The following EPB41L5 variants were observed in gnomAD, a reference collection of about 807,000 sequenced individuals.
EPB41L5 encodes the protein erythrocyte membrane protein band 4.1 like 5, also known as band 4.1-like protein 5.
A neutral mutation model predicts 106.6 loss-of-function variants in EPB41L5; 55 were observed. The observed-to-expected ratio is 0.52, with a 90% CI of 0.42 to 0.65. The LOEUF is 0.65. Ranked by LOEUF, EPB41L5 falls within the 30% of genes least tolerant of loss-of-function variation. EPB41L5 has a pLI of 0.00. For missense variants in EPB41L5, 871 were observed against 882.1 expected (o/e 0.99, Z 0.16); for synonymous variants, 297 against 306.7 (o/e 0.97, Z 0.33).
At chr2:120,151,674 T>C (rs1194678581) in intron 20 of EPB41L5, among the ~76,000 whole-genome samples, 1 of 148,070 alleles carries the variant, frequency 6.8e-6, no homozygotes, top group East Asian at 2.0e-4. Flanking sequence ...TGGAATGCAA[T>C]GGCGCGATTT....
Position 120,041,543 on chromosome 2 carries a change from G to T in EPB41L5, c.181-463G>T, listed in dbSNP as rs73952004. On this transcript the variant is annotated intron_variant, in intron 2 of 24. Transcript: ENST00000263713. ...CGTTCTCTTCCAGTTTGATTCTTCT[G>T]CATCAAGCCTTCATTGATTATTCTA... Among the ~76,000 whole-genome samples the T allele has an allele frequency of 7.7e-3, 1,165 of 152,120 alleles. 12 individuals carry two copies. Among genetic ancestry groups the T allele is most frequent in the African/African-American group, 0.027 (1,105 of 41,504 alleles).
chr2:120,016,044 T>G (rs558052210), intron 1 of EPB41L5, among the ~76,000 whole-genome samples: 80 of 152,342 alleles, frequency 5.3e-4, no homozygotes, highest in African/African-American at 1.9e-3. Flanking sequence ...CGAAAAATCC[T>G]GTTCCTACAA....
At chr2:120,017,719 T>C (rs893817768) in intron 1 of EPB41L5, among the ~76,000 whole-genome samples, 3 of 152,236 alleles carry the variant, frequency 2.0e-5, no homozygotes, top group African/African-American at 7.2e-5. Flanking sequence ...CTTAGGAAAT[T>C]TGAATTATAT....
intron 2 of EPB41L5, among the ~76,000 whole-genome samples, chr2:120,031,140 A>G (rs1678678229): frequency 6.6e-6 from 1 of 152,216 alleles, no homozygotes; most frequent in Admixed American, 6.5e-5. Flanking sequence ...AAGTGCTGGG[A>G]TTAAAGGCAT....
At chr2:120,043,813 A>T (rs1432262633) in intron 3 of EPB41L5, among the ~76,000 whole-genome samples, 2 of 152,174 alleles carry the variant, frequency 1.3e-5, no homozygotes, top group African/African-American at 4.8e-5. Flanking sequence ...AAGTAGTCAT[A>T]AAGGATTATA....
At chr2:120,039,727 A>G (rs1318529611) in intron 2 of EPB41L5, among the ~76,000 whole-genome samples, 1 of 150,462 alleles carries the variant, frequency 6.6e-6, no homozygotes, top group East Asian at 2.0e-4. Context: ...CGGGAGGCTG[A>G]GGCAGGAGAA....
intron 3 of EPB41L5, among the ~76,000 whole-genome samples, chr2:120,059,747 A>C (rs975281253): frequency 1.3e-5 from 2 of 152,128 alleles, no homozygotes; most frequent in African/African-American, 4.8e-5. Flanking sequence ...TACAAAAAAA[A>C]ACAAAAAAAG....
chr2:120,064,271 G>T (rs2105292074), intron 3 of EPB41L5, among the ~76,000 whole-genome samples: 1 of 152,338 alleles, frequency 6.6e-6, no homozygotes, highest in South Asian at 2.1e-4. Flanking sequence ...ACTCACAGAA[G>T]TATCTTTTTG....
intron 17 of EPB41L5, among the ~76,000 whole-genome samples, chr2:120,131,134 A>G (rs1481489463): frequency 6.6e-6 from 1 of 152,220 alleles, no homozygotes; most frequent in Non-Finnish European, 1.5e-5. Flanking sequence ...TGGTACCAAT[A>G]TATAATATGT....
In EPB41L5 at chr2:120,093,714, T is replaced by C. The variant is rs11899708; in HGVS notation, c.1178+438T>C. Among the ~76,000 whole-genome samples the C allele has an allele frequency of 1.3e-3, 199 of 152,310 alleles. 1 individual carries two copies. Among genetic ancestry groups the C allele is most frequent in the African/African-American group, 4.5e-3 (186 of 41,570 alleles). ...AGCCTGGTATGTTTTTGGATTTGTG[T>C]GTCTATTCATCAGAAATATTGGCCT... On this transcript the variant is annotated intron_variant, in intron 14 of 24. Transcript: ENST00000263713.
chr2:120,081,800 A>T (rs1418523085), intron 10 of EPB41L5, among the ~76,000 whole-genome samples: 5 of 152,152 alleles, frequency 3.3e-5, no homozygotes, highest in Non-Finnish European at 2.9e-5. Context: ...AGTGGTTTGT[A>T]GTCCTCCTTG....
Position 120,109,909 on chromosome 2 carries a change from C to T in EPB41L5, c.1337+9095C>T, listed in dbSNP as rs72954730. On this transcript the variant is annotated intron_variant, in intron 16 of 24. Transcript: ENST00000263713. ...ATGATTGTGCAGATTGCATACTGTA[C>T]AAGAGTGCCACATTTAGGAGAATGA... 1.1e-3 allele frequency among the ~76,000 whole-genome samples: 166 copies of T among 152,320 alleles called. 1 individual carries two copies. The highest frequency in any genetic ancestry group is 3.8e-3 in the African/African-American group (160 of 41,580).
At chr2:120,064,984 C>T (rs970135585) in intron 3 of EPB41L5, among the ~76,000 whole-genome samples, 1 of 152,154 alleles carries the variant, frequency 6.6e-6, no homozygotes, top group Non-Finnish European at 1.5e-5. Context: ...GTGTTTGATG[C>T]TTTATCTGAG....
intron 20 of EPB41L5, among the ~76,000 whole-genome samples, chr2:120,151,376 A>G (rs1438633097): frequency 1.3e-5 from 2 of 152,218 alleles, no homozygotes; most frequent in Non-Finnish European, 2.9e-5. Context: ...GCAGAATACA[A>G]GATAAATACA....
At chr2:120,149,896 T>C (rs112749903) in intron 20 of EPB41L5, among the ~76,000 whole-genome samples, 1 of 148,978 alleles carries the variant, frequency 6.7e-6, no homozygotes, top group Non-Finnish European at 1.5e-5. Flanking sequence ...ACTGTACTTT[T>C]TTTTTTTTTT....
chr2:120,097,203 T>A (rs1301860464), intron 14 of EPB41L5, among the ~76,000 whole-genome samples: 1 of 152,198 alleles, frequency 6.6e-6, no homozygotes, highest in African/African-American at 2.4e-5. Context: ...GGTTTTTTTT[T>A]AGACTAAGCT....
intron 16 of EPB41L5, among the ~76,000 whole-genome samples, chr2:120,125,668 G>A (rs1217495063): frequency 6.6e-6 from 1 of 152,110 alleles, no homozygotes; most frequent in African/African-American, 2.4e-5. Context: ...GTTCTTTTTA[G>A]TCCTTTGAAT....
chr2:120,157,436 T>G (rs1574774586), intron 20 of EPB41L5, among the ~76,000 whole-genome samples: 2 of 146,048 alleles, frequency 1.4e-5, no homozygotes, highest in African/African-American at 5.0e-5. Flanking sequence ...AAAAAAAAAA[T>G]TAGAGCTGAA....
chr2:120,150,963 C>T (rs1177521959), intron 20 of EPB41L5, among the ~76,000 whole-genome samples: 2 of 152,182 alleles, frequency 1.3e-5, no homozygotes, highest in East Asian at 1.9e-4. Flanking sequence ...TAATGATTAA[C>T]AGTTGCATAG....
Sources: allele counts gnomAD v4.1 joint callset (sites outside exome capture counted in the v4.1 genomes callset), GRCh38; gene constraint gnomAD v4.1.1; transcripts MANE v1.5; gene names NCBI Gene and HGNC (gene_info 2026-07-23, HGNC 2026-07-21).